Variants in TBC1D22A observed in about 807,000 individuals in gnomAD.
TBC1D22A encodes the protein TBC1 domain family member 22A.
In TBC1D22A, 38 loss-of-function variants were observed where a neutral mutation model predicts 60.2. The observed-to-expected ratio is 0.63, with a 90% CI of 0.49 to 0.83. The LOEUF is 0.83. TBC1D22A is among the 40% of genes least tolerant of loss of function. The pLI is 0.00. For synonymous variants in TBC1D22A, 302 were observed against 281.7 expected (o/e 1.07, Z -0.72); for missense variants, 628 against 701.0 (o/e 0.90, Z 1.18).
intron 12 of TBC1D22A, among the ~76,000 whole-genome samples, chr22:47,146,216 C>T (rs943884841): frequency 6.6e-6 from 1 of 152,238 alleles, no homozygotes; most frequent in Non-Finnish European, 1.5e-5. Flanking sequence ...CCTGCCGTCC[C>T]TTTCACCCAG....
chr22:46,901,591 G>C (rs1320973878), intron 7 of TBC1D22A, among the ~76,000 whole-genome samples: 1 of 152,174 alleles, frequency 6.6e-6, no homozygotes, highest in Non-Finnish European at 1.5e-5. Context: ...TAAACATATA[G>C]TCAGTAGTTT....
chr22:47,158,866 G>T (rs1360268278), intron 12 of TBC1D22A, among the ~76,000 whole-genome samples: 2 of 151,966 alleles, frequency 1.3e-5, no homozygotes, highest in African/African-American at 4.8e-5. Context: ...GGCAGGCGCA[G>T]GTCCCCTCCC....
rs1378817673 is a variant in TBC1D22A at position 46,974,345 on chromosome 22, C to G, written c.1071C>G (p.Cys357Trp). 2 of 1,611,086 alleles carry G rather than the reference C, an allele frequency of 1.2e-6. No homozygotes were observed. The highest frequency in any genetic ancestry group is 1.7e-6 in the Non-Finnish European group (2 of 1,178,868). Residue 357 changes from cysteine (C) to tryptophan (W), a missense_variant, in exon 9 of 13, where the codon TGC (cysteine) becomes TGG (tryptophan). By Grantham distance (215) the Cys-to-Trp change is radical (BLOSUM62 -2). Coordinates refer to ENST00000337137, the MANE Select transcript of TBC1D22A (RefSeq NM_014346.5). ...CCGGCGTGCCCGCAGAGGTGCTGTGCAACATCGAGGCCGACACCTACTGGT... is the reference window on the plus strand; with the variant it reads ...CCGGCGTGCCCGCAGAGGTGCTGTGGAACATCGAGGCCGACACCTACTGGT... ...DVSGVPAEVLCNIEADTYWCM... is the reference protein window; with the variant it reads ...DVSGVPAEVLWNIEADTYWCM...
At chr22:47,040,431 G>T (rs2062802677) in intron 11 of TBC1D22A, among the ~76,000 whole-genome samples, 1 of 152,194 alleles carries the variant, frequency 6.6e-6, no homozygotes, top group Non-Finnish European at 1.5e-5. Flanking sequence ...CCCTGCGTCA[G>T]CAGTGGTCAT....
chr22:46,789,615 A>G (rs1030377516), intron 1 of TBC1D22A: 9 of 171,920 alleles, frequency 5.2e-5, no homozygotes, highest in Admixed American at 2.6e-4. Flanking sequence ...AACATTTGGT[A>G]TAATTAATAT....
intron 4 of TBC1D22A, among the ~76,000 whole-genome samples, chr22:46,814,758 T>C (rs1480378496): frequency 6.6e-6 from 1 of 151,876 alleles, no homozygotes; most frequent in Non-Finnish European, 1.5e-5. Flanking sequence ...GCAATTCTCC[T>C]GCATCAGCTC....
chr22:47,111,306 G>T (rs1489640729), intron 11 of TBC1D22A, among the ~76,000 whole-genome samples: 1 of 152,216 alleles, frequency 6.6e-6, no homozygotes, highest in African/African-American at 2.4e-5. Context: ...TTATCAGGCT[G>T]CTGGAACTTA....
At position 46,912,149 on chromosome 22, in the gene TBC1D22A, G is replaced by A. The variant is rs548444280; in HGVS notation, c.976G>A (p.Val326Ile). ...SGYVQGINDL[V>I]TPFFVVFICE... is the part of the protein sequence containing the mutation. ...ATACGTTCAGGGTATAAATGATCTC[G>A]TCACTCCTTTCTTTGTGGTCTTCAT... Residue 326 changes from valine to isoleucine, a missense_variant, in exon 8 of 13, where the codon GTC (valine) becomes ATC (isoleucine). Val to Ile is a conservative substitution (Grantham distance 29, BLOSUM62 3). Coordinates refer to ENST00000337137, the MANE Select transcript of TBC1D22A (RefSeq NM_014346.5). The A allele has an allele frequency of 2.3e-5, 37 of 1,613,898 alleles. No individual in the cohort carries two copies. Among genetic ancestry groups the A allele is most frequent in the Non-Finnish European group, 3.0e-5 (35 of 1,179,926 alleles).
intron 4 of TBC1D22A, among the ~76,000 whole-genome samples, chr22:46,830,863 C>T (rs1039027267): frequency 6.6e-6 from 1 of 152,114 alleles, no homozygotes; most frequent in Non-Finnish European, 1.5e-5. Context: ...CTGTGCCGAG[C>T]GGGCTCTGGG....
chr22:47,095,394 A>G (rs1248573566), intron 11 of TBC1D22A, among the ~76,000 whole-genome samples: 1 of 152,254 alleles, frequency 6.6e-6, no homozygotes, highest in African/African-American at 2.4e-5. Context: ...TTAAAGGTGA[A>G]ATATTGTTCC....
At chr22:46,804,355 C>T (rs982688674) in intron 4 of TBC1D22A, among the ~76,000 whole-genome samples, 1 of 152,214 alleles carries the variant, frequency 6.6e-6, no homozygotes, top group African/African-American at 2.4e-5. Context: ...GATAATAAAA[C>T]CAACAAACCA....
intron 12 of TBC1D22A, among the ~76,000 whole-genome samples, chr22:47,148,791 C>A (rs1234480295): frequency 1.3e-5 from 2 of 152,114 alleles, no homozygotes; most frequent in East Asian, 3.9e-4. Context: ...CCCTGGGTTC[C>A]TCTCCTGGGG....
intron 12 of TBC1D22A, among the ~76,000 whole-genome samples, chr22:47,165,062 AG>A (rs977617105): frequency 6.6e-6 from 1 of 152,116 alleles, no homozygotes; most frequent in South Asian, 2.1e-4. Context: ...TCCACAGGGC[AG>A]GGGGTGGAGT....
rs1332036697 is a variant in TBC1D22A, at chr22:46,960,976, A to AT, written c.1016-13314_1016-13313insT. 2.7e-5 allele frequency among the ~76,000 whole-genome samples: 4 copies of AT among 149,660 alleles called. No individual in the cohort carries two copies. In the East Asian group the frequency reaches 7.9e-4, roughly 29 times the overall value. On this transcript the variant is annotated intron_variant, in intron 8 of 12. Transcript: ENST00000337137. ...TCTCAAAAAAAAAAAAAAAAAAAAA[A>AT]AGATACCCAGTCCGTAGCTAAGAGG...
chr22:47,168,100 T>C lies in TBC1D22A; in HGVS notation c.1426-5398T>C, dbSNP rs182713875. On this transcript the variant is annotated intron_variant, in intron 12 of 12. Transcript: ENST00000337137. ...CGTGGGGCACATTCAGATGTGCTTTTAGTTGCTTCACCGGACTCTGCGACG... is the reference window on the plus strand; with the variant it reads ...CGTGGGGCACATTCAGATGTGCTTTCAGTTGCTTCACCGGACTCTGCGACG... 2.2e-4 allele frequency among the ~76,000 whole-genome samples: 33 copies of C among 152,386 alleles called. 2 individuals are homozygous for C. The highest frequency in any genetic ancestry group is 7.5e-4 in the African/African-American group (31 of 41,590).
chr22:46,888,287 G>C (rs1027381837), intron 5 of TBC1D22A, among the ~76,000 whole-genome samples: 1 of 152,192 alleles, frequency 6.6e-6, no homozygotes, highest in Admixed American at 6.5e-5. Flanking sequence ...GGACCACAAG[G>C]GTTGGGCAGA....
chr22:47,124,808 G>A (rs1462350812), intron 12 of TBC1D22A, among the ~76,000 whole-genome samples: 6 of 152,046 alleles, frequency 3.9e-5, no homozygotes, highest in Non-Finnish European at 7.4e-5. Flanking sequence ...ACCGAGGTCC[G>A]CCAGTCTGAG....
chr22:46,841,287 C>T (rs942223691), intron 4 of TBC1D22A, among the ~76,000 whole-genome samples: 9 of 152,194 alleles, frequency 5.9e-5, no homozygotes, highest in African/African-American at 2.2e-4. Flanking sequence ...CTCTCTTCTG[C>T]TATTTGGCCA....
At chr22:46,795,228 C>T (rs559513157) in intron 3 of TBC1D22A, among the ~76,000 whole-genome samples, 1 of 152,382 alleles carries the variant, frequency 6.6e-6, no homozygotes, top group African/African-American at 2.4e-5. Flanking sequence ...GGGCAGCGCC[C>T]TTCAGCCTGT....
Sources: allele counts gnomAD v4.1 joint callset (sites outside exome capture counted in the v4.1 genomes callset), GRCh38; gene constraint gnomAD v4.1.1; transcripts MANE v1.5; gene names NCBI Gene and HGNC (gene_info 2026-07-23, HGNC 2026-07-21).